RTTN: variants seen among roughly 807,000 people sequenced by gnomAD.
RTTN encodes the protein rotatin.
Under a neutral mutation model 269.2 loss-of-function variants are expected in RTTN, and 182 were observed. The observed-to-expected ratio is 0.68, with a 90% CI of 0.60 to 0.76. The LOEUF is 0.76. Ranked by LOEUF, RTTN falls within the 30% of genes least tolerant of loss-of-function variation. The pLI is 0.00. For synonymous variants in RTTN, 1,006 were observed against 963.5 expected, an observed-to-expected ratio of 1.04 and a Z score of -0.82; for missense variants, 2,545 against 2,608.6, an observed-to-expected ratio of 0.98 and a Z score of 0.53.
chr18:70,065,122 A>G (rs11664319), intron 35 of RTTN, among the ~76,000 whole-genome samples: 113,284 of 152,024 alleles, frequency 0.75, 47,597 homozygotes, highest in East Asian at 1. Context: ...TTAATTCAGC[A>G]AGTTTTTCTA....
At chr18:70,120,371 T>C (rs1429381084) in intron 26 of RTTN, among the ~76,000 whole-genome samples, 1 of 152,152 alleles carries the variant, frequency 6.6e-6, no homozygotes, top group Non-Finnish European at 1.5e-5. Flanking sequence ...GAAAACAGCC[T>C]AAGACGATAA....
intron 32 of RTTN, among the ~76,000 whole-genome samples, chr18:70,079,964 T>C (rs2058520646): frequency 6.6e-6 from 1 of 152,064 alleles, no homozygotes; most frequent in Admixed American, 6.6e-5. Context: ...TATTGTCATA[T>C]ATAACAAAAA....
chr18:70,126,959 C>T (rs1035859058), intron 25 of RTTN, among the ~76,000 whole-genome samples: 2 of 152,156 alleles, frequency 1.3e-5, no homozygotes, highest in African/African-American at 4.8e-5. Flanking sequence ...GCAGTGGTTG[C>T]TTATCAGTCT....
intron 11 of RTTN, among the ~76,000 whole-genome samples, chr18:70,173,966 T>C (rs1217714877): frequency 6.6e-6 from 1 of 152,134 alleles, no homozygotes; most frequent in Non-Finnish European, 1.5e-5. Flanking sequence ...TGATCTATAG[T>C]GACAGAAGTC....
intron 8 of RTTN, chr18:70,193,082 G>C (rs565748275): frequency 5.2e-4 from 264 of 508,596 alleles, no homozygotes; most frequent in African/African-American, 5.1e-3. Flanking sequence ...GCACTGAGTT[G>C]CGATGTAATA....
chr18:70,056,126 C>T (rs73964485), intron 37 of RTTN, among the ~76,000 whole-genome samples: 2,473 of 152,312 alleles, frequency 0.016, 70 homozygotes, highest in African/African-American at 0.056. Flanking sequence ...ACAGACTCTA[C>T]GTGAGGAGAG....
chr18:70,162,048 C>T (rs760994083), intron 14 of RTTN, among the ~76,000 whole-genome samples: 3 of 152,128 alleles, frequency 2.0e-5, no homozygotes, highest in Non-Finnish European at 4.4e-5. Context: ...ACCAGAAAGA[C>T]ACATGAACCC....
intron 35 of RTTN, among the ~76,000 whole-genome samples, chr18:70,062,205 TTG>T (rs1423343767): frequency 5.3e-5 from 8 of 152,234 alleles, no homozygotes; most frequent in Non-Finnish European, 1.5e-5. Flanking sequence ...GCTGGATTAA[TTG>T]GTTTGTATTC....
chr18:70,034,972 A>C (rs2057127045), intron 40 of RTTN, among the ~76,000 whole-genome samples: 1 of 152,206 alleles, frequency 6.6e-6, no homozygotes, highest in African/African-American at 2.4e-5. Flanking sequence ...AAATAAAATA[A>C]AACAAAATGC....
chr18:70,177,996 C>G (rs1286253522), intron 10 of RTTN, among the ~76,000 whole-genome samples: 3 of 152,196 alleles, frequency 2.0e-5, no homozygotes, highest in African/African-American at 2.4e-5. Flanking sequence ...AGGTTAACAG[C>G]AGCACTATTC....
At position 70,004,296 on chromosome 18, in the gene RTTN, G is replaced by A. The variant is rs112768960; in HGVS notation, c.6596-60C>T. 2,904 of 1,151,210 alleles carry A rather than the reference G, an allele frequency of 2.5e-3. 43 individuals carry two copies. In the African/African-American group the frequency reaches 0.036, roughly 14 times the overall value. The allele number at this position is 1,151,210 out of a possible 1,614,324, so 71.3% of individuals were successfully genotyped here. A position where few individuals can be genotyped will look rare whatever the true frequency, so the allele number is the denominator to read the frequency against. ...TTTATGAAACTTGGTACTATACTTA[G>A]GAGGCACACACATAAACAAATACAT... is the stretch of plus-strand genomic sequence containing the variant. On this transcript the variant is annotated intron_variant, in intron 48 of 48. Coordinates refer to ENST00000640769, the MANE Select transcript of RTTN (RefSeq NM_173630.4).
chr18:70,175,505 G>A (rs1408227856), intron 11 of RTTN, among the ~76,000 whole-genome samples: 1 of 151,932 alleles, frequency 6.6e-6, no homozygotes, highest in African/African-American at 2.4e-5. Context: ...ATAAAAATCA[G>A]GATATTTAAT....
At chr18:70,092,888 T>C in intron 28 of RTTN, 84 bp from the exon 29 acceptor site, 1 of 1,206,274 alleles carries the variant, frequency 8.3e-7, no homozygotes, top group Non-Finnish European at 1.1e-6. Flanking sequence ...TACTGACTTG[T>C]ATGAATTGAA....
chr18:70,187,771 G>A (rs1369251546), intron 10 of RTTN, among the ~76,000 whole-genome samples: 2 of 152,126 alleles, frequency 1.3e-5, no homozygotes, highest in Non-Finnish European at 2.9e-5. Context: ...GCAAGGATAA[G>A]AAATACAAAT....
intron 14 of RTTN, among the ~76,000 whole-genome samples, chr18:70,162,235 T>C (rs2145875422): frequency 6.6e-6 from 1 of 152,172 alleles, no homozygotes; most frequent in East Asian, 1.9e-4. Context: ...CAGAGGCCAT[T>C]ATCCTAAGTG....
At chr18:70,196,762 G>A in intron 6 of RTTN, 114 bp from the exon 7 acceptor site, 4 of 1,049,564 alleles carry the variant, frequency 3.8e-6, no homozygotes, top group Non-Finnish European at 1.4e-6. Context: ...AAAATAAGTT[G>A]CCAAATATTT....
At chr18:70,069,179 AAGAGAGTAGT>A (rs2058229512) in intron 34 of RTTN, among the ~76,000 whole-genome samples, 1 of 152,152 alleles carries the variant, frequency 6.6e-6, no homozygotes, top group Admixed American at 6.5e-5. Flanking sequence ...GTCTACTTGA[AAGAGAGTAGT>A]TCTTAAGTGT....
rs1308889930 is a variant in RTTN, at chr18:70,150,049, A to C, written c.2094T>G (p.Leu698=). Residue 698 remains leucine, a synonymous_variant, in exon 16 of 49, where the codon CTT becomes CTG. Transcript: ENST00000640769. The stretch of plus-strand genomic sequence containing the variant: ...ATGCTGTCATCATCAATCGTCCCTG[A>C]AGCAGGTATAACAGAATGGCCTTGG... ...TAAKAILLYL[L]QGRLMMTALT... The C allele has an allele frequency of 6.2e-7, 1 of 1,613,410 alleles. No individual in the cohort carries two copies. Among genetic ancestry groups the C allele is most frequent in the South Asian group, 1.1e-5 (1 of 91,060 alleles).
rs567902828 is a variant in RTTN, at chr18:70,193,965, C to T, written c.842-512G>A. 1.3e-5 allele frequency among the ~76,000 whole-genome samples: 2 copies of T among 152,212 alleles called. 1 individual carries two copies. Among genetic ancestry groups the T allele is most frequent in the South Asian group, 4.1e-4 (2 of 4,822 alleles). ...TTCATCAAAATCTAAAACTTTGGTA[C>T]ACCAAGGGAACATTACAAGAAAGTG... On this transcript the variant is annotated intron_variant, in intron 7 of 48. Coordinates refer to ENST00000640769, the MANE Select transcript of RTTN (RefSeq NM_173630.4).
Sources: allele counts gnomAD v4.1 joint callset (sites outside exome capture counted in the v4.1 genomes callset), GRCh38; gene constraint gnomAD v4.1.1; transcripts MANE v1.5; gene names NCBI Gene and HGNC (gene_info 2026-07-23, HGNC 2026-07-21).